TBC1D1: variants seen among roughly 807,000 people sequenced by gnomAD.
TBC1D1 encodes the protein TBC1 domain family member 1.
Under a neutral mutation model 125.6 loss-of-function variants are expected in TBC1D1, and 89 were observed. That is an observed-to-expected ratio of 0.71 (90% CI 0.60 to 0.85). The LOEUF is 0.85. TBC1D1 is among the 40% of genes least tolerant of loss of function. TBC1D1 has a pLI of 0.00. For missense variants in TBC1D1, 1,377 were observed against 1,469.2 expected (o/e 0.94, Z 1.03); for synonymous variants, 565 against 564.1 (o/e 1.00, Z -0.02).
intron 2 of TBC1D1, among the ~76,000 whole-genome samples, chr4:37,915,253 A>T (rs1387380567): frequency 6.6e-6 from 1 of 152,212 alleles, no homozygotes; most frequent in African/African-American, 2.4e-5. Flanking sequence ...ATTAGTCAGC[A>T]TTCTCCAGGG....
rs187586429 is a variant in TBC1D1, at chr4:38,021,600, G to A, written c.1092G>A (p.Met364Ile). ...TCTTTGATTAGGTTGATGAAATTAT[G>A]ATGACCCTGAAACAGGCCTTCACGG... The change falls in exon 6 of 20, where the codon ATG (methionine) becomes ATA (isoleucine). Residue 364 changes from methionine (M) to isoleucine (I), a missense_variant. Met to Ile is a conservative substitution (Grantham distance 10). Coordinates refer to ENST00000261439, the MANE Select transcript of TBC1D1 (RefSeq NM_015173.4). 2 of 1,557,810 alleles carry A rather than the reference G, an allele frequency of 1.3e-6. No individual in the cohort carries two copies. Among genetic ancestry groups the A allele is most frequent in the Non-Finnish European group, 1.7e-6 (2 of 1,154,324 alleles).
At chr4:37,993,589 TA>T (rs1560584498) in intron 2 of TBC1D1, among the ~76,000 whole-genome samples, 5 of 148,342 alleles carry the variant, frequency 3.4e-5, no homozygotes, top group South Asian at 2.2e-4. Context: ...TTTATTTATT[TA>T]TTTATTTTTG....
chr4:37,954,860 CAGTGG>C (rs1728604296), intron 2 of TBC1D1, among the ~76,000 whole-genome samples: 1 of 118,580 alleles, frequency 8.4e-6, no homozygotes, highest in South Asian at 3.0e-4. Context: ...TGACTCTTAG[CAGTGG>C]ATTTTTTTTT....
intron 2 of TBC1D1, among the ~76,000 whole-genome samples, chr4:37,993,164 T>C (rs1737006718): frequency 6.6e-6 from 1 of 152,092 alleles, no homozygotes; most frequent in Non-Finnish European, 1.5e-5. Context: ...AATTCAGAGC[T>C]GGAAATGTAG....
intron 2 of TBC1D1, chr4:37,951,914 C>T (rs1333438444): frequency 1.4e-6 from 1 of 712,748 alleles, no homozygotes; most frequent in Non-Finnish European, 2.6e-6. Flanking sequence ...TGGGTATGTA[C>T]TTTTACCATG....
intron 2 of TBC1D1, among the ~76,000 whole-genome samples, chr4:37,958,547 T>C (rs1315842274): frequency 6.6e-6 from 1 of 152,184 alleles, no homozygotes; most frequent in Non-Finnish European, 1.5e-5. Flanking sequence ...AAGCATTCCA[T>C]CTCTCCTAGC....
intron 1 of TBC1D1, among the ~76,000 whole-genome samples, chr4:37,901,046 C>T (rs143761550): frequency 0.11 from 16,909 of 148,204 alleles, 1,030 homozygotes; most frequent in African/African-American, 0.15. Context: ...CACTCCAGCC[C>T]GGGCAACAGA....
intron 12 of TBC1D1, among the ~76,000 whole-genome samples, chr4:38,066,833 A>T (rs768276487): frequency 5.9e-5 from 9 of 152,016 alleles, no homozygotes; most frequent in Non-Finnish European, 1.2e-4. Flanking sequence ...TTGTTATATC[A>T]CTTCTATATA....
chr4:37,954,353 G>A (rs1375211196), intron 2 of TBC1D1, among the ~76,000 whole-genome samples: 1 of 150,046 alleles, frequency 6.7e-6, no homozygotes, highest in Non-Finnish European at 1.5e-5. Flanking sequence ...GAAGATAAAA[G>A]GATTAACATT....
chr4:38,112,080 C>T (rs941469417), intron 15 of TBC1D1: 1 of 985,240 alleles, frequency 1.0e-6, no homozygotes. Context: ...AAACTGCATC[C>T]TGGAAGCCTT....
intron 2 of TBC1D1, among the ~76,000 whole-genome samples, chr4:37,940,966 G>A (rs148775089): frequency 0.022 from 3,311 of 152,250 alleles, 125 homozygotes; most frequent in African/African-American, 0.076. Flanking sequence ...ATTCATCAGG[G>A]ATATTGGTTT....
intron 2 of TBC1D1, among the ~76,000 whole-genome samples, chr4:37,923,113 C>A (rs997886689): frequency 1.3e-5 from 2 of 152,154 alleles, no homozygotes; most frequent in Non-Finnish European, 2.9e-5. Flanking sequence ...CCTAGCCCCC[C>A]ACCCCTTGAC....
In TBC1D1 at chr4:38,118,104, C is replaced by G. The variant is rs781094713; in HGVS notation, c.2874C>G (p.His958Gln). 1 of 1,614,166 alleles carries G rather than the reference C, an allele frequency of 6.2e-7. No individual in the cohort carries two copies. The highest frequency in any genetic ancestry group is 8.5e-7 in the Non-Finnish European group (1 of 1,180,020). Residue 958 changes from histidine (H) to glutamine (Q), a missense_variant, in exon 17 of 20, where the codon CAC becomes CAG. His to Gln is a conservative substitution (Grantham distance 24, BLOSUM62 0). Transcript: ENST00000261439. ...ACCTCTACAATCACCTGGAGGAGCACGAGATCGGCCCCAGCCTCTACGCTG... is the reference window on the plus strand; with the variant it reads ...ACCTCTACAATCACCTGGAGGAGCAGGAGATCGGCCCCAGCCTCTACGCTG...
chr4:37,917,260 G>C (rs940275500), intron 2 of TBC1D1, among the ~76,000 whole-genome samples: 4 of 151,442 alleles, frequency 2.6e-5, no homozygotes, highest in South Asian at 2.1e-4. Context: ...GATCACGTGA[G>C]GTCAGGAGTT....
At chr4:37,968,256 C>G (rs1265637837) in intron 2 of TBC1D1, among the ~76,000 whole-genome samples, 2 of 152,232 alleles carry the variant, frequency 1.3e-5, no homozygotes, top group African/African-American at 2.4e-5. Context: ...GAACTTTACT[C>G]TCAAAGGGCT....
In TBC1D1 at chr4:37,960,483, C is replaced by T. The variant is rs200914401; in HGVS notation, c.418-54026C>T. The T allele has an allele frequency of 4.8e-4, 771 of 1,613,874 alleles. No homozygotes were observed. The highest frequency in any genetic ancestry group is 5.6e-4 in the Non-Finnish European group (655 of 1,179,964). On this transcript the variant is annotated intron_variant, in intron 2 of 19. Transcript: ENST00000261439. Reference sequence around the variant, plus strand: ...TAAGGAAATTGGAGAACCAGGCACCCGTGTGGCTGCCAAGGATGTGCTGAA... The same window carrying T: ...TAAGGAAATTGGAGAACCAGGCACCTGTGTGGCTGCCAAGGATGTGCTGAA...
chr4:38,057,178 C>A (rs1441507037), intron 12 of TBC1D1, among the ~76,000 whole-genome samples: 4 of 152,224 alleles, frequency 2.6e-5, no homozygotes, highest in African/African-American at 9.6e-5. Context: ...AGATCACCAT[C>A]CATGTCCACC....
intron 17 of TBC1D1, among the ~76,000 whole-genome samples, chr4:38,121,510 G>A (rs1763841932): frequency 6.6e-6 from 1 of 152,150 alleles, no homozygotes; most frequent in African/African-American, 2.4e-5. Context: ...GTTTCTAGGT[G>A]GCTTGAAAAA....
chr4:37,932,743 AATATAATTTT>A (rs1465704333), intron 2 of TBC1D1, among the ~76,000 whole-genome samples: 5 of 152,128 alleles, frequency 3.3e-5, no homozygotes, highest in African/African-American at 9.7e-5. Context: ...TTCCACATAA[AATATAATTTT>A]AAAAGCATTT....
Sources: gnomAD v4.1 joint callset for allele counts (sites outside exome capture counted in the v4.1 genomes callset) on GRCh38, gnomAD v4.1.1 for gene constraint, MANE v1.5 for transcripts, NCBI Gene and HGNC (gene_info 2026-07-23, HGNC 2026-07-21) for gene names.